PTPRN2: variants seen among roughly 807,000 people sequenced by gnomAD.
PTPRN2 encodes the protein protein tyrosine phosphatase receptor type N2.
In PTPRN2, 74 loss-of-function variants were observed where a neutral mutation model predicts 118.8. The ratio of observed to expected loss-of-function variants is 0.62; its 90% CI spans 0.52 to 0.76. PTPRN2 has a LOEUF of 0.76. Among genes scored for constraint, PTPRN2 ranks in the 30% least tolerant of loss-of-function variants. PTPRN2 has a pLI of 0.00. For missense variants in PTPRN2, 1,481 were observed against 1,394.4 expected (o/e 1.06, Z -0.99); for synonymous variants, 641 against 608.0 (o/e 1.05, Z -0.80).
At chr7:158,150,878 C>T (rs887616434) in intron 6 of PTPRN2, among the ~76,000 whole-genome samples, 1 of 152,056 alleles carries the variant, frequency 6.6e-6, no homozygotes. Context: ...ACCCAACGTG[C>T]TGGTGGAATT....
rs547770457 is a variant in PTPRN2, at chr7:158,132,417, G to A, written c.1556+1260C>T. ...AGCACAAACCAATACACATCTACCC[G>A]ACACACACTCATACACACATACATA... On this transcript the variant is annotated intron_variant, in intron 9 of 22. Coordinates refer to ENST00000389418, the MANE Select transcript of PTPRN2 (RefSeq NM_002847.5). Among the ~76,000 whole-genome samples the A allele has an allele frequency of 2.8e-3, 413 of 146,716 alleles. 2 individuals carry two copies. The highest frequency in any genetic ancestry group is 5.6e-3 in the African/African-American group (222 of 39,392).
At chr7:157,728,409 GCTC>G (rs1326508065) in intron 12 of PTPRN2, among the ~76,000 whole-genome samples, 1 of 152,230 alleles carries the variant, frequency 6.6e-6, no homozygotes, top group Non-Finnish European at 1.5e-5. Context: ...CTCTGACAGG[GCTC>G]CTGGCGCCCA....
intron 5 of PTPRN2, among the ~76,000 whole-genome samples, chr7:158,182,323 T>C (rs1278842523): frequency 6.6e-6 from 1 of 152,242 alleles, no homozygotes; most frequent in Non-Finnish European, 1.5e-5. Context: ...ACTTGTTTTG[T>C]AGCCTAGTAT....
intron 11 of PTPRN2, among the ~76,000 whole-genome samples, chr7:158,054,522 C>T (rs1357027936): frequency 1.2e-4 from 18 of 152,222 alleles, no homozygotes; most frequent in Non-Finnish European, 8.8e-5. Context: ...TTATTTTCTG[C>T]GGTTGATTAT....
chr7:158,037,836 A>C (rs1478055909), intron 11 of PTPRN2, among the ~76,000 whole-genome samples: 2 of 152,232 alleles, frequency 1.3e-5, no homozygotes, highest in Non-Finnish European at 2.9e-5. Flanking sequence ...GAGGGTTGCA[A>C]TTCACCTTGT....
intron 10 of PTPRN2, among the ~76,000 whole-genome samples, chr7:158,081,764 A>G (rs1812861812): frequency 6.6e-6 from 1 of 152,224 alleles, no homozygotes; most frequent in African/African-American, 2.4e-5. Flanking sequence ...GAGGAAAGAG[A>G]CTAGTATTTT....
rs1483870551 is a variant in PTPRN2 at position 157,990,803 on chromosome 7, G to A, written c.1723+90495C>T. 2.0e-5 allele frequency among the ~76,000 whole-genome samples: 3 copies of A among 152,154 alleles called. No individual in the cohort carries two copies. The highest frequency in any genetic ancestry group is 1.9e-4 in the East Asian group (1 of 5,190). Reference sequence around the variant, plus strand: ...GATACAGTGGGAGGGAGGACTTGGCGCACAGTGGGTGAGTGAATGGACAGG... The same window carrying A: ...GATACAGTGGGAGGGAGGACTTGGCACACAGTGGGTGAGTGAATGGACAGG... On this transcript the variant is annotated intron_variant, in intron 11 of 22. Transcript: ENST00000389418. This position sits in a 1 kb window ranked among gnomAD's most constrained non-coding sequence, Gnocchi z 4.3.
chr7:157,988,388 G>A (rs1297348862), intron 11 of PTPRN2, among the ~76,000 whole-genome samples: 6 of 152,176 alleles, frequency 3.9e-5, no homozygotes, highest in Admixed American at 2.0e-4. Flanking sequence ...TGCAGTGGCC[G>A]GGCCCAGCTA....
intron 3 of PTPRN2, among the ~76,000 whole-genome samples, chr7:158,207,116 T>C (rs1170146661): frequency 1.3e-5 from 2 of 148,628 alleles, no homozygotes; most frequent in Non-Finnish European, 3.0e-5. Flanking sequence ...ATTTCATCCA[T>C]GTCCCTACAA....
At chr7:158,185,609 G>T (rs1162773794) in intron 5 of PTPRN2, among the ~76,000 whole-genome samples, 2 of 152,164 alleles carry the variant, frequency 1.3e-5, no homozygotes, top group Non-Finnish European at 2.9e-5. Flanking sequence ...TCTCTGTCAT[G>T]AATAACACTT....
At chr7:157,810,334 C>G (rs73746637) in intron 12 of PTPRN2, among the ~76,000 whole-genome samples, 2,973 of 152,330 alleles carry the variant, frequency 0.02, 97 homozygotes, top group African/African-American at 0.065. Context: ...GCACTGGGGG[C>G]TCTGCAACTT....
At chr7:157,931,210 T>C (rs1799339202) in intron 11 of PTPRN2, among the ~76,000 whole-genome samples, 1 of 152,258 alleles carries the variant, frequency 6.6e-6, no homozygotes, top group South Asian at 2.1e-4. Context: ...TCCCTGGCTG[T>C]CCCAGCAATT....
At chr7:158,161,289 G>A (rs573336777) in intron 6 of PTPRN2, among the ~76,000 whole-genome samples, 4 of 152,302 alleles carry the variant, frequency 2.6e-5, no homozygotes, top group East Asian at 1.9e-4. Flanking sequence ...GAACAAAGGC[G>A]GAGGACAACA....
At position 157,801,898 on chromosome 7, in the gene PTPRN2, C is replaced by G. The variant is rs915574823; in HGVS notation, c.1788+96775G>C. 1.3e-5 allele frequency among the ~76,000 whole-genome samples: 2 copies of G among 152,208 alleles called. No homozygotes were observed. Among genetic ancestry groups the G allele is most frequent in the Admixed American group, 6.5e-5 (1 of 15,286 alleles). ...CACAGATTTATTCTCTCACAGGAGGCCACGGTCCAGATGGGTTTCACTGAG... is the reference window on the plus strand; with the variant it reads ...CACAGATTTATTCTCTCACAGGAGGGCACGGTCCAGATGGGTTTCACTGAG... On this transcript the variant is annotated intron_variant, in intron 12 of 22. Coordinates refer to ENST00000389418, the MANE Select transcript of PTPRN2 (RefSeq NM_002847.5). This position sits in a 1 kb window ranked among gnomAD's most constrained non-coding sequence, Gnocchi z 4.2.
intron 11 of PTPRN2, among the ~76,000 whole-genome samples, chr7:158,070,594 T>TGTG (rs1554527607): frequency 3.2e-5 from 1 of 31,188 alleles, no homozygotes. Context: ...TGGAGGTGCC[T>TGTG]GTGGTGGAGG....
chr7:157,660,960 G>A (rs1795854222), intron 13 of PTPRN2, among the ~76,000 whole-genome samples: 1 of 152,204 alleles, frequency 6.6e-6, no homozygotes, highest in South Asian at 2.1e-4. Flanking sequence ...CACCACGTTG[G>A]CCAGGCTGAT....
At chr7:157,894,995 T>C (rs933825006) in intron 12 of PTPRN2, among the ~76,000 whole-genome samples, 1 of 151,722 alleles carries the variant, frequency 6.6e-6, no homozygotes, top group Non-Finnish European at 1.5e-5. Flanking sequence ...CAATCCCTGC[T>C]GAGGGTAAGC....
chr7:158,316,711 A>G (rs1346862975), intron 3 of PTPRN2, 108 bp downstream of exon 3: 7 of 782,506 alleles, frequency 8.9e-6, no homozygotes, highest in Non-Finnish European at 1.4e-5. Flanking sequence ...CCACCACCAC[A>G]CTCGTGGATT....
chr7:158,564,208 T>G (rs887946547), intron 1 of PTPRN2, among the ~76,000 whole-genome samples: 2 of 152,180 alleles, frequency 1.3e-5, no homozygotes, highest in Non-Finnish European at 2.9e-5. Flanking sequence ...ATGATATATT[T>G]AACTAACCTC....
Sources: gnomAD v4.1 joint callset for allele counts (sites outside exome capture counted in the v4.1 genomes callset) on GRCh38, gnomAD v4.1.1 for gene constraint, Gnocchi (gnomAD v3.1) non-coding constraint, MANE v1.5 for transcripts, NCBI Gene and HGNC (gene_info 2026-07-23, HGNC 2026-07-21) for gene names.